The following TXNL1 variants were observed in gnomAD, a reference collection of about 807,000 sequenced individuals.
TXNL1 encodes thioredoxin-like protein 1.
TXNL1 carries 14 observed loss-of-function variants against 35.5 expected under a neutral mutation model. The observed-to-expected ratio is 0.39, with a 90% CI of 0.26 to 0.62. The LOEUF (loss-of-function observed/expected upper bound fraction) is 0.62, where lower values mean the gene tolerates loss of function less well. TXNL1 is among the 20% of genes least tolerant of loss of function. The probability of loss-of-function intolerance (pLI) is 0.47; values close to 1 mark genes in which losing one functional copy is unlikely to be tolerated. For synonymous variants in TXNL1, 110 were observed against 115.5 expected (o/e 0.95, Z 0.31); for missense variants, 263 against 349.7 (o/e 0.75, Z 1.98).
At chr18:56,623,970 AT>A (rs1300557162) in intron 3 of TXNL1, among the ~76,000 whole-genome samples, 2 of 152,104 alleles carry the variant, frequency 1.3e-5, no homozygotes, top group Non-Finnish European at 2.9e-5. Flanking sequence ...ACATTTCTAC[AT>A]TTTCTGGAAA....
chr18:56,616,162 T>A, intron 5 of TXNL1, 83 bp downstream of exon 5: 2 of 1,169,530 alleles, frequency 1.7e-6, no homozygotes, highest in Non-Finnish European at 2.4e-6. Context: ...AACAAGTACC[T>A]CTATTTAATA....
At chr18:56,626,171 T>C (rs2024274841) in intron 2 of TXNL1, 190 bp downstream of exon 2, 1 of 1,308,914 alleles carries the variant, frequency 7.6e-7, no homozygotes, top group African/African-American at 1.5e-5. Context: ...CCTGAAGCAA[T>C]TAATAATGTG....
At chr18:56,630,371 A>G (rs879754547) in intron 1 of TXNL1, among the ~76,000 whole-genome samples, 3 of 152,204 alleles carry the variant, frequency 2.0e-5, no homozygotes, top group African/African-American at 4.8e-5. Context: ...GCTCTGAGCC[A>G]GTGGGGCTGC....
chr18:56,616,409 A>G, intron 4 of TXNL1, 95 bp from the exon 5 acceptor site: 3 of 1,154,620 alleles, frequency 2.6e-6, no homozygotes, highest in Non-Finnish European at 3.7e-6. Flanking sequence ...CAAGAAAAAA[A>G]AAACCAACCT....
intron 1 of TXNL1, among the ~76,000 whole-genome samples, chr18:56,630,734 C>G (rs2024357042): frequency 6.6e-6 from 1 of 152,120 alleles, no homozygotes; most frequent in South Asian, 2.1e-4. Context: ...TTAACTTTAT[C>G]TAGATTCTTT....
At chr18:56,618,535 GT>G (rs979100606) in intron 3 of TXNL1, among the ~76,000 whole-genome samples, 1 of 151,970 alleles carries the variant, frequency 6.6e-6, no homozygotes, top group African/African-American at 2.4e-5. Flanking sequence ...AGGACTTAAA[GT>G]TTTTATCATG....
chr18:56,601,335 T>C lies in TXNL1; in HGVS notation c.*1692A>G, dbSNP rs1305252793. On this transcript the variant is annotated 3_prime_UTR_variant, in exon 8 of 8. Coordinates refer to ENST00000217515, the MANE Select transcript of TXNL1 (RefSeq NM_004786.3). ...AGTCACATAGACAATATAAATCTGA[T>C]GTCCAATCCTTTACAAATACGAAAT... is the stretch of plus-strand genomic sequence containing the variant. 2 of 152,216 alleles carry C rather than the reference T, an allele frequency of 1.3e-5. No individual in the cohort carries two copies. The highest frequency in any genetic ancestry group is 4.8e-5 in the African/African-American group (2 of 41,454). The allele number at this position is 152,216 out of a possible 1,614,324, so 9.4% of individuals were successfully genotyped here. A position where few individuals can be genotyped will look rare whatever the true frequency, so the allele number is the denominator to read the frequency against.
At chr18:56,635,909 C>A (rs2024447899) in intron 1 of TXNL1, among the ~76,000 whole-genome samples, 1 of 152,186 alleles carries the variant, frequency 6.6e-6, no homozygotes, top group South Asian at 2.1e-4. Context: ...ACTTATAATG[C>A]CTAAGGTAAA....
intron 5 of TXNL1, among the ~76,000 whole-genome samples, chr18:56,615,457 G>A (rs2024069792): frequency 3.6e-5 from 3 of 83,688 alleles, no homozygotes; most frequent in Admixed American, 3.1e-4. Context: ...AAGCTTAACA[G>A]AAAAAGAAAA....
intron 3 of TXNL1, among the ~76,000 whole-genome samples, chr18:56,623,195 A>G (rs1350463278): frequency 6.6e-6 from 1 of 152,206 alleles, no homozygotes; most frequent in Non-Finnish European, 1.5e-5. Flanking sequence ...GGGGAGGCCA[A>G]GGCAGGTGGA....
rs1283957799 is a variant in TXNL1, at chr18:56,597,999, A to T, written c.*5028T>A. On this transcript the variant is annotated 3_prime_UTR_variant, in exon 8 of 8. Transcript: ENST00000217515. ...TTGATCTCTTTCACATGGCAAGAGGAGCTTCACCTTACCGTCTCTACTTGC... is the reference window on the plus strand; with the variant it reads ...TTGATCTCTTTCACATGGCAAGAGGTGCTTCACCTTACCGTCTCTACTTGC... The T allele has an allele frequency of 6.6e-6, 1 of 152,166 alleles. No homozygotes were observed. Among genetic ancestry groups the T allele is most frequent in the African/African-American group, 2.4e-5 (1 of 41,442 alleles). The allele number at this position is 152,166 out of a possible 1,614,324, so 9.4% of individuals were successfully genotyped here. A position where few individuals can be genotyped will look rare whatever the true frequency, so the allele number is the denominator to read the frequency against.
chr18:56,618,434 G>T (rs376601109), intron 3 of TXNL1, among the ~76,000 whole-genome samples: 1 of 152,098 alleles, frequency 6.6e-6, no homozygotes, highest in Non-Finnish European at 1.5e-5. Flanking sequence ...TAAAATATCC[G>T]TAAGATCCAA....
chr18:56,601,358 A>G lies in TXNL1; in HGVS notation c.*1669T>C, dbSNP rs1372416591. 1 of 152,194 alleles carries G rather than the reference A, an allele frequency of 6.6e-6. No individual in the cohort carries two copies. The highest frequency in any genetic ancestry group is 2.4e-5 in the African/African-American group (1 of 41,456). The allele number at this position is 152,194 out of a possible 1,614,324, so 9.4% of individuals were successfully genotyped here. A position where few individuals can be genotyped will look rare whatever the true frequency, so the allele number is the denominator to read the frequency against. ...GATGTCCAATCCTTTACAAATACGA[A>G]ATTTGTTTCACTGGGTTTTCAAACT... On this transcript the variant is annotated 3_prime_UTR_variant, in exon 8 of 8. Coordinates refer to ENST00000217515, the MANE Select transcript of TXNL1 (RefSeq NM_004786.3).
At chr18:56,606,657 G>A (rs897810499) in intron 7 of TXNL1, among the ~76,000 whole-genome samples, 2 of 152,168 alleles carry the variant, frequency 1.3e-5, no homozygotes, top group African/African-American at 4.8e-5. Context: ...AAAAGGAAAA[G>A]TCACCTAGCT....
intron 3 of TXNL1, among the ~76,000 whole-genome samples, chr18:56,622,188 G>A (rs933402237): frequency 2.6e-5 from 4 of 152,008 alleles, no homozygotes; most frequent in African/African-American, 9.7e-5. Flanking sequence ...AGACAAGTGT[G>A]CCTAGTGGCT....
At chr18:56,630,202 A>AG (rs1157489769) in intron 1 of TXNL1, among the ~76,000 whole-genome samples, 1 of 150,974 alleles carries the variant, frequency 6.6e-6, no homozygotes, top group Non-Finnish European at 1.5e-5. Flanking sequence ...AACTTGGAAA[A>AG]GAAAAAAAAA....
At chr18:56,625,630 A>T (rs1418566239) in intron 2 of TXNL1, among the ~76,000 whole-genome samples, 1 of 152,174 alleles carries the variant, frequency 6.6e-6, no homozygotes, top group East Asian at 1.9e-4. Flanking sequence ...AAGTGCTGAA[A>T]CATAAATGTG....
intron 2 of TXNL1, among the ~76,000 whole-genome samples, chr18:56,625,923 A>T (rs566314049): frequency 6.6e-6 from 1 of 152,346 alleles, no homozygotes; most frequent in Admixed American, 6.5e-5. Flanking sequence ...GGCTCAATCA[A>T]CAATAATCAC....
chr18:56,624,319 C>A lies in TXNL1; in HGVS notation c.338G>T (p.Ser113Ile). 6.2e-7 allele frequency: 1 copy of A among 1,613,776 alleles called. No homozygotes were observed. The stretch of plus-strand genomic sequence containing the variant: ...TTTTGGAATATCTGTGTCCTCATTG[C>A]TTCCAGGGTCATTTTCTAAGTGCTG... ...IKQHLENDPGSNEDTDIPKGY... is the reference protein window; with the variant it reads ...IKQHLENDPGINEDTDIPKGY... The change falls in exon 3 of 8, where the codon AGC (serine) becomes ATC (isoleucine). Residue 113 changes from serine to isoleucine, a missense_variant. Ser to Ile is a moderately radical substitution (Grantham distance 142, BLOSUM62 -2). Coordinates refer to ENST00000217515, the MANE Select transcript of TXNL1 (RefSeq NM_004786.3).
Sources: gnomAD v4.1 joint callset for allele counts (sites outside exome capture counted in the v4.1 genomes callset) on GRCh38, gnomAD v4.1.1 for gene constraint, MANE v1.5 for transcripts, NCBI Gene and HGNC (gene_info 2026-07-23, HGNC 2026-07-21) for gene names.